The following PCDH15 variants were observed in gnomAD, a reference collection of about 807,000 sequenced individuals.
PCDH15 encodes the protein protocadherin-15.
In PCDH15, 129 loss-of-function variants were observed where a neutral mutation model predicts 178.5. That is an observed-to-expected ratio of 0.72 (90% CI 0.63 to 0.84). The LOEUF is 0.84. Among genes scored for constraint, PCDH15 ranks in the 40% least tolerant of loss-of-function variants. The pLI is 0.00. For synonymous variants in PCDH15, 800 were observed against 732.0 expected, an observed-to-expected ratio of 1.09 and a Z score of -1.50; for missense variants, 2,230 against 2,099.9, an observed-to-expected ratio of 1.06 and a Z score of -1.21.
intron 10 of PCDH15, among the ~76,000 whole-genome samples, chr10:54,210,092 T>C (rs911353214): frequency 2.6e-5 from 4 of 152,272 alleles, no homozygotes; most frequent in Admixed American, 2.0e-4. Flanking sequence ...AATTTTTCTT[T>C]AGAAGAAACA....
At chr10:53,893,693 G>A (rs904376616) in intron 26 of PCDH15, among the ~76,000 whole-genome samples, 1 of 152,162 alleles carries the variant, frequency 6.6e-6, no homozygotes, top group African/African-American at 2.4e-5. Flanking sequence ...AGTAACTCAG[G>A]AATGGAAAAC....
chr10:54,214,132 G>A, intron 9 of PCDH15, 84 bp from the exon 10 acceptor site: 1 of 755,728 alleles, frequency 1.3e-6, no homozygotes, highest in South Asian at 1.4e-5. Flanking sequence ...TTCATCAGCT[G>A]AGGAACAAAG....
chr10:55,314,152 TA>T (rs1162131912), intron 1 of PCDH15, among the ~76,000 whole-genome samples: 9 of 148,382 alleles, frequency 6.1e-5, no homozygotes, highest in African/African-American at 2.0e-4. Context: ...ACATCATTTA[TA>T]ATATATAATA....
chr10:55,112,533 A>G (rs1837535323), intron 2 of PCDH15, among the ~76,000 whole-genome samples: 1 of 152,188 alleles, frequency 6.6e-6, no homozygotes, highest in Admixed American at 6.5e-5. Flanking sequence ...AAGAAGCAAG[A>G]TAAGAGGCAG....
intron 3 of PCDH15, among the ~76,000 whole-genome samples, chr10:54,835,590 C>A (rs58891116): frequency 0.032 from 4,866 of 152,138 alleles, 230 homozygotes; most frequent in African/African-American, 0.11. Flanking sequence ...ACATGGAAAC[C>A]AACATGCACA....
chr10:55,426,341 T>C (rs925289067), intron 2 of PCDH15, among the ~76,000 whole-genome samples: 2 of 152,142 alleles, frequency 1.3e-5, no homozygotes, highest in Non-Finnish European at 2.9e-5. Context: ...GTTTGAGCCA[T>C]CTGGCTGCTC....
chr10:54,727,901 G>A (rs1942798361), intron 1 of PCDH15, among the ~76,000 whole-genome samples: 2 of 151,354 alleles, frequency 1.3e-5, no homozygotes, highest in South Asian at 4.1e-4. Context: ...TTGCAACCCT[G>A]AATACAGCAT....
At chr10:55,549,329 C>T (rs988119909) in intron 2 of PCDH15, among the ~76,000 whole-genome samples, 2 of 152,090 alleles carry the variant, frequency 1.3e-5, no homozygotes, top group Non-Finnish European at 2.9e-5. Flanking sequence ...CAGCCCGTTA[C>T]ACATGTTAAA....
intron 20 of PCDH15, among the ~76,000 whole-genome samples, chr10:54,009,294 A>T (rs1341720001): frequency 6.6e-6 from 1 of 152,046 alleles, no homozygotes; most frequent in African/African-American, 2.4e-5. Flanking sequence ...GAACGGAATA[A>T]TTAAGTATAT....
At chr10:54,866,911 G>T (rs545812474) in intron 3 of PCDH15, among the ~76,000 whole-genome samples, 1 of 152,146 alleles carries the variant, frequency 6.6e-6, no homozygotes, top group Non-Finnish European at 1.5e-5. Flanking sequence ...ACAAGGAAAA[G>T]GTCTCTTAGG....
intron 2 of PCDH15, among the ~76,000 whole-genome samples, chr10:55,448,602 T>G (rs2132078182): frequency 6.6e-6 from 1 of 152,064 alleles, no homozygotes; most frequent in African/African-American, 2.4e-5. Context: ...TGCAGACATC[T>G]GAATGGTGAA....
chr10:54,425,863 T>G (rs1226887917), intron 3 of PCDH15, among the ~76,000 whole-genome samples: 4 of 152,162 alleles, frequency 2.6e-5, no homozygotes, highest in African/African-American at 9.7e-5. Context: ...AAATGAAGTA[T>G]TCTAGTATGT....
intron 2 of PCDH15, among the ~76,000 whole-genome samples, chr10:55,043,510 A>T (rs1840919503): frequency 6.6e-6 from 1 of 151,930 alleles, no homozygotes; most frequent in Non-Finnish European, 1.5e-5. Flanking sequence ...GAAGTGGGAG[A>T]CCAGCCTGGG....
chr10:54,877,335 C>T (rs1302436073), intron 3 of PCDH15, among the ~76,000 whole-genome samples: 1 of 152,012 alleles, frequency 6.6e-6, no homozygotes, highest in East Asian at 1.9e-4. Context: ...TATACTTTTT[C>T]CCCCAAATAT....
chr10:55,070,965 T>C lies in PCDH15; in HGVS notation c.-80+95611A>G, dbSNP rs895406170. On this transcript the variant is annotated intron_variant, in intron 2 of 5. Transcript: ENST00000458638. ...TCTTTTATTTCATTGAGCAGTGGTTTGTAGTTCTCCTTGAAGAGTATCCAG... is the reference window on the plus strand; with the variant it reads ...TCTTTTATTTCATTGAGCAGTGGTTCGTAGTTCTCCTTGAAGAGTATCCAG... Among the ~76,000 whole-genome samples, 14 of 152,258 alleles carry C rather than the reference T, an allele frequency of 9.2e-5. No homozygotes were observed. In the East Asian group the frequency reaches 2.5e-3, roughly 27 times the overall value.
At chr10:55,457,780 A>G (rs1274695667) in intron 2 of PCDH15, among the ~76,000 whole-genome samples, 1 of 145,134 alleles carries the variant, frequency 6.9e-6, no homozygotes, top group Non-Finnish European at 1.5e-5. Flanking sequence ...GGTTAAACCA[A>G]TAATCCTCTT....
intron 8 of PCDH15, among the ~76,000 whole-genome samples, chr10:54,314,013 T>C (rs1459221669): frequency 3.3e-5 from 5 of 152,092 alleles, no homozygotes; most frequent in African/African-American, 9.7e-5. Context: ...AATGTATACC[T>C]TCTCTTGGGG....
chr10:54,425,873 T>G (rs1245017192), intron 3 of PCDH15, among the ~76,000 whole-genome samples: 1 of 152,172 alleles, frequency 6.6e-6, no homozygotes, highest in Non-Finnish European at 1.5e-5. Flanking sequence ...TTCTAGTATG[T>G]TAATTATAGA....
At position 55,216,877 on chromosome 10, in the gene PCDH15, G is replaced by GT. The variant is rs975680011; in HGVS notation, c.-155-50227dup. Among the ~76,000 whole-genome samples the GT allele has an allele frequency of 1.3e-4, 19 of 151,796 alleles. 1 individual carries two copies. The highest frequency in any genetic ancestry group is 5.9e-4 in the Admixed American group (9 of 15,216). ...GAGCCTTGATACCTAATAGACATTT[G>GT]TTTTTTTCTCCATGTAAGTAAAGCT... is the stretch of plus-strand genomic sequence containing the variant. On this transcript the variant is annotated intron_variant, in intron 1 of 5. Coordinates refer to the PCDH15 transcript ENST00000458638.
Sources: gnomAD v4.1 joint callset for allele counts (sites outside exome capture counted in the v4.1 genomes callset) on GRCh38, gnomAD v4.1.1 for gene constraint, MANE v1.5 for transcripts, NCBI Gene and HGNC (gene_info 2026-07-23, HGNC 2026-07-21) for gene names.